Variants in ITGB7 observed in about 807,000 individuals in gnomAD.
The protein encoded by ITGB7 is integrin beta-7.
Under a neutral mutation model 83.4 loss-of-function variants are expected in ITGB7, and 55 were observed. The ratio of observed to expected loss-of-function variants is 0.66; its 90% CI spans 0.53 to 0.83. The LOEUF (loss-of-function observed/expected upper bound fraction) is 0.83, where lower values mean the gene tolerates loss of function less well. ITGB7 is among the 40% of genes least tolerant of loss of function. The pLI, the probability that ITGB7 is intolerant of heterozygous loss-of-function variation, is 0.00. For missense variants in ITGB7, 921 were observed against 1,046.7 expected (o/e 0.88, Z 1.66); for synonymous variants, 454 against 423.6 (o/e 1.07, Z -0.88).
chr12:53,192,825 A>G lies in ITGB7; in HGVS notation c.1812T>C (p.Ser604=), dbSNP rs142010891. Residue 604 remains serine (S), a synonymous_variant, in exon 13 of 16, where the codon AGT becomes AGC. Transcript: ENST00000267082. ...AGAGCCCTCCCTCGGGACTGATGCA[A>G]CTGTCCATGTCCCCACTGCATTCGC... The part of the protein sequence containing the change: ...RACECSGDMD[S]CISPEGGLCS... The G allele has an allele frequency of 4.0e-5, 64 of 1,614,192 alleles. No homozygotes were observed. In the African/African-American group the frequency reaches 7.2e-4, roughly 18 times the overall value.
chr12:53,205,255 G>A (rs1942414384), intron 1 of ITGB7, among the ~76,000 whole-genome samples: 1 of 152,036 alleles, frequency 6.6e-6, no homozygotes. Context: ...TGCAATCATG[G>A]CTCACTGCTG....
rs750991825 is a variant in ITGB7 at position 53,197,747 on chromosome 12, C to A, written c.403+3G>T. On this transcript the variant is annotated splice_donor_region_variant and intron_variant, in intron 4 of 15. Coordinates refer to ENST00000267082, the MANE Select transcript of ITGB7 (RefSeq NM_000889.3). ...TGGCCTGGCCCCGCCTCCCCTAACT[C>A]ACCAGGCCGCAGCGTGACCCGGACC... The A allele has an allele frequency of 7.0e-6, 11 of 1,580,244 alleles. No homozygotes were observed. In the South Asian group the frequency reaches 1.1e-4, roughly 16 times the overall value.
intron 10 of ITGB7, 41 bp from the exon 11 acceptor site, chr12:53,193,942 A>G (rs772142469): frequency 7.1e-6 from 11 of 1,547,852 alleles, no homozygotes; most frequent in East Asian, 2.2e-5. Context: ...ATACACATGC[A>G]CACACACATA....
At chr12:53,200,501 C>T (rs1942300928) in intron 2 of ITGB7, 55 bp from the exon 3 acceptor site, 3 of 1,460,168 alleles carry the variant, frequency 2.1e-6, no homozygotes, top group African/African-American at 1.4e-5. Flanking sequence ...CTCTCAAACT[C>T]TCAGTCCTCT....
At position 53,200,319 on chromosome 12, in the gene ITGB7, A is replaced by G. The variant is rs1942295237; in HGVS notation, c.125T>C (p.Leu42Pro). ...TEWRNPHLSM[L>P]GSCQPAPSCQ... Reference sequence around the variant, plus strand: ...GGAGGGGGCTGGCTGGCAGGACCCCAGCATGGACAGGTGAGGATTCCGCCA... The same window carrying G: ...GGAGGGGGCTGGCTGGCAGGACCCCGGCATGGACAGGTGAGGATTCCGCCA... The change falls in exon 3 of 16, where the codon CTG becomes CCG. Residue 42 changes from leucine (L) to proline (P), a missense_variant. Transcript: ENST00000267082. 1 of 1,614,214 alleles carries G rather than the reference A, an allele frequency of 6.2e-7. No homozygotes were observed. Among genetic ancestry groups the G allele is most frequent in the Admixed American group, 1.7e-5 (1 of 60,028 alleles).
At position 53,195,419 on chromosome 12, in the gene ITGB7, A is replaced by G. The variant is rs556661166; in HGVS notation, c.1116T>C (p.Ser372=). The G allele has an allele frequency of 1.6e-5, 26 of 1,613,496 alleles. No homozygotes were observed. The highest frequency in any genetic ancestry group is 3.3e-4 in the Middle Eastern group (2 of 6,040). Residue 372 remains serine (S), a synonymous_variant, in exon 9 of 16, where the codon AGT becomes AGC. Coordinates refer to ENST00000267082, the MANE Select transcript of ITGB7 (RefSeq NM_000889.3). Reference sequence around the variant, plus strand: ...GCTGTACCACGTTGCTGGAGTCCTCACTCAGCTCCCCAACTGCAGACTTAG... The same window carrying G: ...GCTGTACCACGTTGCTGGAGTCCTCGCTCAGCTCCCCAACTGCAGACTTAG... ...LIPKSAVGEL[S]EDSSNVVQLI...
At chr12:53,193,109 A>G (rs576001539) in intron 12 of ITGB7, 31 bp downstream of exon 12, 1 of 1,575,462 alleles carries the variant, frequency 6.3e-7, no homozygotes, top group Admixed American at 1.7e-5. Context: ...GGCCTCTCAG[A>G]CCCCGCCCTT....
Position 53,195,680 on chromosome 12 carries a change from T to C in ITGB7, c.1017A>G (p.Ala339=). The C allele has an allele frequency of 6.2e-7, 1 of 1,614,082 alleles. No individual in the cohort carries two copies. The highest frequency in any genetic ancestry group is 8.5e-7 in the Non-Finnish European group (1 of 1,179,974). The change falls in exon 8 of 16, where the codon GCA becomes GCG. Residue 339 remains alanine, a synonymous_variant. Coordinates refer to ENST00000267082, the MANE Select transcript of ITGB7 (RefSeq NM_000889.3). The part of the protein sequence containing the change: ...SVGQVAQALS[A]ANIQPIFAVT... ...CAGCAAAGATGGGCTGGATATTTGC[T>C]GCAGAGAGGGCCTGGGCTACCTGAC...
chr12:53,195,762 C>T (rs756789557), intron 7 of ITGB7, 41 bp from the exon 8 acceptor site: 1 of 1,514,554 alleles, frequency 6.6e-7, no homozygotes, highest in South Asian at 1.1e-5. Flanking sequence ...CCACAGGTTT[C>T]CCCCACAACA....
Position 53,191,575 on chromosome 12 carries a change from G to A in ITGB7, c.2378C>T (p.Ala793Val). 1 of 1,612,682 alleles carries A rather than the reference G, an allele frequency of 6.2e-7. No homozygotes were observed. The highest frequency in any genetic ancestry group is 8.5e-7 in the Non-Finnish European group (1 of 1,178,670). Residue 793 changes from alanine (A) to valine (V), a missense_variant, in exon 16 of 16, where the codon GCA becomes GTA. Physicochemically the swap from Ala to Val is moderately conservative, Grantham distance 64. Transcript: ENST00000267082. ...TTTINPRFQE[A>V]DSPTL ...CCTCCTTCAGAGAGTGGGACTGTCT[G>A]CCTCTTGAAAGCGAGGATTGATGGT...
In ITGB7 at chr12:53,192,510, T is replaced by C. The variant is rs1592395675; in HGVS notation, c.1975A>G (p.Thr659Ala). 6.2e-7 allele frequency: 1 copy of C among 1,613,956 alleles called. No individual in the cohort carries two copies. Among genetic ancestry groups the C allele is most frequent in the African/African-American group, 1.3e-5 (1 of 74,930 alleles). Residue 659 changes from threonine (T) to alanine (A), a missense_variant, in exon 14 of 16, where the codon ACT becomes GCT. By Grantham distance (58) the Thr-to-Ala change is moderately conservative. Coordinates refer to ENST00000267082, the MANE Select transcript of ITGB7 (RefSeq NM_000889.3). ...CTGCAGTTGGTGGCCAGTGGGCCAGTCCTGAAGGCCCCACACTCTGCACAG... is the reference window on the plus strand; with the variant it reads ...CTGCAGTTGGTGGCCAGTGGGCCAGCCCTGAAGGCCCCACACTCTGCACAG... ...RDCAECGAFR[T>A]GPLATNCSTA...
Position 53,196,761 on chromosome 12 carries a change from G to A in ITGB7, c.634C>T (p.Leu212=), listed in dbSNP as rs140951628. 226 of 1,613,750 alleles carry A rather than the reference G, an allele frequency of 1.4e-4. 1 individual carries two copies. In the East Asian group the frequency reaches 4.8e-3, roughly 35 times the overall value. The part of the protein sequence containing the change: ...LPFVSTVPSK[L]RHPCPTRLER... ...AGCCGGGTGGGGCAGGGGTGGCGCAGTTTGGAGGGTACTGTGCTCACAAAG... is the reference window on the plus strand; with the variant it reads ...AGCCGGGTGGGGCAGGGGTGGCGCAATTTGGAGGGTACTGTGCTCACAAAG... The change falls in exon 6 of 16, where the codon CTG becomes TTG. Residue 212 remains leucine, a synonymous_variant. Coordinates refer to ENST00000267082, the MANE Select transcript of ITGB7 (RefSeq NM_000889.3).
rs931304320 is a variant in ITGB7 at position 53,192,185 on chromosome 12, C to G, written c.2155+145G>C. 9 of 1,197,840 alleles carry G rather than the reference C, an allele frequency of 7.5e-6. No homozygotes were observed. In the Admixed American group the frequency reaches 8.5e-5, roughly 11 times the overall value. The allele number at this position is 1,197,840 out of a possible 1,614,324, so 74.2% of individuals were successfully genotyped here. ...CCGCCCAGGGCCTTAGCCTCGTCCA[C>G]TTGCTCAATTGCCTCTGCCTTTGTC... On this transcript the variant is annotated intron_variant, in intron 14 of 15. Transcript: ENST00000267082.
At chr12:53,199,550 C>T (rs1415124791) in intron 3 of ITGB7, among the ~76,000 whole-genome samples, 1 of 150,034 alleles carries the variant, frequency 6.7e-6, no homozygotes, top group Non-Finnish European at 1.5e-5. Context: ...TGTTGAAGCC[C>T]TAACCCTCCA....
In ITGB7 at chr12:53,192,939, A is replaced by G. The variant is rs749574947; in HGVS notation, c.1727-29T>C. The stretch of plus-strand genomic sequence containing the variant: ...GGGTAGAGCCATGCAGAGGGTGACA[A>G]CCATACTCCACACACACAGTTGGCC... On this transcript the variant is annotated intron_variant, in intron 12 of 15. Transcript: ENST00000267082. 1.1e-5 allele frequency: 17 copies of G among 1,598,856 alleles called. 1 individual carries two copies. Among genetic ancestry groups the G allele is most frequent in the South Asian group, 4.4e-5 (4 of 90,566 alleles).
intron 5 of ITGB7, chr12:53,197,119 T>G: frequency 7.4e-6 from 4 of 538,586 alleles, no homozygotes; most frequent in South Asian, 2.1e-5. Context: ...GAAATTTGAA[T>G]AGAGGAGAGT....
rs1225793744 is a variant in ITGB7, at chr12:53,197,794, G to A, written c.359C>T (p.Ala120Val). ...GACCCGCTGCGGCGCCAGCTGGGTGGCACCCTCTCCGCGGGCGCCCTGGCT... is the reference window on the plus strand; with the variant it reads ...GACCCGCTGCGGCGCCAGCTGGGTGACACCCTCTCCGCGGGCGCCCTGGCT... ...PLSQGARGEG[A>V]TQLAPQRVRV... Residue 120 changes from alanine (A) to valine (V), a missense_variant, in exon 4 of 16, where the codon GCC (alanine) becomes GTC (valine). By Grantham distance (64) the Ala-to-Val change is moderately conservative. Transcript: ENST00000267082. The A allele has an allele frequency of 6.4e-7, 1 of 1,552,552 alleles. No individual in the cohort carries two copies.
chr12:53,192,356 A>G lies in ITGB7; in HGVS notation c.2129T>C (p.Val710Ala), dbSNP rs749195267. 6.2e-7 allele frequency: 1 copy of G among 1,613,974 alleles called. No homozygotes were observed. Among genetic ancestry groups the G allele is most frequent in the Non-Finnish European group, 8.5e-7 (1 of 1,180,004 alleles). Residue 710 changes from valine (V) to alanine (A), a missense_variant, in exon 14 of 16, where the codon GTC (valine) becomes GCC (alanine). Physicochemically the swap from Val to Ala is moderately conservative, Grantham distance 64 (BLOSUM62 0). Transcript: ENST00000267082. ...FLVEDDARGTVVLRVRPQEKG... is the reference protein window; with the variant it reads ...FLVEDDARGTAVLRVRPQEKG... ...TTCTTGGGGTCTCACTCTGAGCACGACCGTGCCTCTGGCGTCATCCTCCAC... is the reference window on the plus strand; with the variant it reads ...TTCTTGGGGTCTCACTCTGAGCACGGCCGTGCCTCTGGCGTCATCCTCCAC...
chr12:53,200,494 T>A, intron 2 of ITGB7, 48 bp from the exon 3 acceptor site: 4 of 1,499,548 alleles, frequency 2.7e-6, no homozygotes, highest in Non-Finnish European at 3.7e-6. Context: ...GGGAGGACTC[T>A]CAAACTCTCA....
Sources: gnomAD v4.1 joint callset for allele counts (sites outside exome capture counted in the v4.1 genomes callset) on GRCh38, gnomAD v4.1.1 for gene constraint, MANE v1.5 for transcripts, NCBI Gene and HGNC (gene_info 2026-07-23, HGNC 2026-07-21) for gene names.